Variants in TBC1D5 observed in about 807,000 individuals in gnomAD.
TBC1D5 encodes TBC1 domain family member 5.
Under a neutral mutation model 100.3 loss-of-function variants are expected in TBC1D5, and 75 were observed. The ratio of observed to expected loss-of-function variants is 0.75; its 90% CI spans 0.62 to 0.91. The LOEUF (loss-of-function observed/expected upper bound fraction) is 0.91. Ranked by LOEUF, TBC1D5 falls within the 40% of genes least tolerant of loss-of-function variation. TBC1D5 has a pLI of 0.00. For missense variants in TBC1D5, 910 were observed against 942.4 expected (o/e 0.97, Z 0.45); for synonymous variants, 323 against 325.6 (o/e 0.99, Z 0.09).
intron 19 of TBC1D5, among the ~76,000 whole-genome samples, chr3:17,171,015 T>C (rs1367347655): frequency 1.3e-5 from 2 of 152,190 alleles, no homozygotes; most frequent in Non-Finnish European, 2.9e-5. Flanking sequence ...ACAGTGTCTA[T>C]ACAAGATCTT....
At chr3:17,629,446 T>C (rs1032922919) in intron 1 of TBC1D5, among the ~76,000 whole-genome samples, 13 of 152,220 alleles carry the variant, frequency 8.5e-5, no homozygotes, top group African/African-American at 3.1e-4. Flanking sequence ...CAGTTAATTC[T>C]TTAGTATAAA....
chr3:17,528,162 C>T (rs1029088032), intron 2 of TBC1D5, among the ~76,000 whole-genome samples: 7 of 152,046 alleles, frequency 4.6e-5, no homozygotes, highest in African/African-American at 1.7e-4. Flanking sequence ...AGAGCTCAAG[C>T]GATCCGCCCA....
At chr3:17,686,714 C>G (rs563032398) in intron 1 of TBC1D5, among the ~76,000 whole-genome samples, 1 of 152,168 alleles carries the variant, frequency 6.6e-6, no homozygotes, top group East Asian at 1.9e-4. Flanking sequence ...TCTAAAACAC[C>G]TATATTGTTA....
intron 13 of TBC1D5, among the ~76,000 whole-genome samples, chr3:17,368,520 C>T (rs2092296574): frequency 6.6e-6 from 1 of 152,028 alleles, no homozygotes; most frequent in South Asian, 2.1e-4. Flanking sequence ...TTGGACTCTA[C>T]ATGGGGCTTA....
intron 1 of TBC1D5, among the ~76,000 whole-genome samples, chr3:17,654,664 G>A (rs1244591269): frequency 6.6e-6 from 1 of 152,186 alleles, no homozygotes; most frequent in Non-Finnish European, 1.5e-5. Context: ...TCAGGATGAT[G>A]CTGGCCTCAT....
chr3:17,523,670 A>G (rs1038896073), intron 2 of TBC1D5, among the ~76,000 whole-genome samples: 1 of 152,172 alleles, frequency 6.6e-6, no homozygotes, highest in African/African-American at 2.4e-5. Flanking sequence ...GACATATAAA[A>G]TTATATCGTA....
chr3:17,212,948 A>G (rs1413176424), intron 18 of TBC1D5, among the ~76,000 whole-genome samples: 1 of 152,190 alleles, frequency 6.6e-6, no homozygotes, highest in Non-Finnish European at 1.5e-5. Flanking sequence ...GTGTAGCCTA[A>G]GTGTACAGTG....
chr3:17,522,955 G>A lies in TBC1D5; in HGVS notation c.-35-14350C>T, dbSNP rs893323784. Among the ~76,000 whole-genome samples, 7 of 152,200 alleles carry A rather than the reference G, an allele frequency of 4.6e-5. No homozygotes were observed. The East Asian group carries it at 5.8e-4, about 13-fold the overall frequency. On this transcript the variant is annotated intron_variant, in intron 2 of 21. Transcript: ENST00000253692. ...TACCATGCTTTGTCATCTGTGGAAC[G>A]ATGATGCAGTTCAATTATATTTATT...
At chr3:17,664,978 T>C (rs1477145557) in intron 1 of TBC1D5, 1 of 145,946 alleles carries the variant, frequency 6.9e-6, no homozygotes, top group African/African-American at 2.5e-5. Context: ...TTACAGGCTC[T>C]TTTAGAATTT....
intron 3 of TBC1D5, among the ~76,000 whole-genome samples, chr3:17,459,581 A>G (rs1024498564): frequency 1.3e-5 from 2 of 152,152 alleles, no homozygotes; most frequent in East Asian, 3.8e-4. Flanking sequence ...ATTTTTATGG[A>G]GAGTTTTAAG....
intron 17 of TBC1D5, among the ~76,000 whole-genome samples, chr3:17,218,901 C>T (rs2073960553): frequency 9.9e-6 from 1 of 100,504 alleles, no homozygotes; most frequent in African/African-American, 3.8e-5. Flanking sequence ...GTTTATCCTG[C>T]TTGGAGTTAA....
intron 18 of TBC1D5, among the ~76,000 whole-genome samples, chr3:17,211,311 TC>T (rs2072958624): frequency 6.6e-6 from 1 of 152,156 alleles, no homozygotes; most frequent in South Asian, 2.1e-4. Context: ...CTTCCAAATC[TC>T]CTGCCTGAAG....
intron 1 of TBC1D5, among the ~76,000 whole-genome samples, chr3:17,725,418 C>T (rs945044994): frequency 3.3e-5 from 5 of 150,678 alleles, no homozygotes; most frequent in Admixed American, 2.6e-4. Context: ...TCCAAGGCAA[C>T]TTTTCTTGCA....
intron 8 of TBC1D5, among the ~76,000 whole-genome samples, chr3:17,384,428 C>T (rs919766674): frequency 9.2e-5 from 14 of 151,878 alleles, no homozygotes; most frequent in South Asian, 2.1e-4. Context: ...TGTAAAATAG[C>T]GACACTTCAG....
intron 19 of TBC1D5, among the ~76,000 whole-genome samples, chr3:17,170,026 C>A (rs2067016302): frequency 6.6e-6 from 1 of 152,226 alleles, no homozygotes. Context: ...GGTGGTAACG[C>A]TGGCTCACGT....
At chr3:17,264,076 T>A (rs2078616270) in intron 15 of TBC1D5, among the ~76,000 whole-genome samples, 1 of 152,050 alleles carries the variant, frequency 6.6e-6, no homozygotes, top group Non-Finnish European at 1.5e-5. Context: ...AGTCTGTAGA[T>A]CAGCTGACCT....
intron 3 of TBC1D5, among the ~76,000 whole-genome samples, chr3:17,445,026 T>A (rs2094752648): frequency 6.6e-6 from 1 of 152,332 alleles, no homozygotes; most frequent in South Asian, 2.1e-4. Context: ...CTGCATTTTG[T>A]AACCCTTGAC....
At chr3:17,387,354 A>G (rs1345960352) in intron 8 of TBC1D5, among the ~76,000 whole-genome samples, 1 of 151,270 alleles carries the variant, frequency 6.6e-6, no homozygotes, top group Non-Finnish European at 1.5e-5. Context: ...CTGCTTCCCT[A>G]ATCAGTTATA....
intron 13 of TBC1D5, among the ~76,000 whole-genome samples, chr3:17,339,575 C>T (rs1254943674): frequency 6.6e-6 from 1 of 152,168 alleles, no homozygotes; most frequent in Non-Finnish European, 1.5e-5. Context: ...ATCTATATTT[C>T]CCCACATATT....
Sources: gnomAD v4.1 joint callset for allele counts (sites outside exome capture counted in the v4.1 genomes callset) on GRCh38, gnomAD v4.1.1 for gene constraint, MANE v1.5 for transcripts, NCBI Gene and HGNC (gene_info 2026-07-23, HGNC 2026-07-21) for gene names.